The following ABCA3 variants were observed in gnomAD, a reference collection of about 807,000 sequenced individuals.
ABCA3 encodes the protein phospholipid-transporting ATPase ABCA3.
A neutral mutation model predicts 172.8 loss-of-function variants in ABCA3; 88 were observed. The observed-to-expected ratio is 0.51, with a 90% CI of 0.43 to 0.61. The LOEUF is 0.61. Among genes scored for constraint, ABCA3 ranks in the 20% least tolerant of loss-of-function variants. ABCA3 has a pLI of 0.00. For synonymous variants in ABCA3, 1,066 were observed against 983.8 expected, an observed-to-expected ratio of 1.08 and a Z score of -1.56; for missense variants, 2,164 against 2,301.0, an observed-to-expected ratio of 0.94 and a Z score of 1.22.
At chr16:2,336,587 C>T (rs549346213) in intron 1 of ABCA3, among the ~76,000 whole-genome samples, 75 of 148,774 alleles carry the variant, frequency 5.0e-4, no homozygotes, top group African/African-American at 1.5e-3. Flanking sequence ...CCCGCCACCA[C>T]GCCCAGCTAA....
At chr16:2,300,205 A>T (rs1269208284) in intron 12 of ABCA3, 57 bp from the exon 13 acceptor site, 1 of 1,608,402 alleles carries the variant, frequency 6.2e-7, no homozygotes, top group Non-Finnish European at 8.5e-7. Context: ...CAAAGCAACA[A>T]CCAGCAGACA....
chr16:2,292,920 A>G (rs2093674273), intron 18 of ABCA3, among the ~76,000 whole-genome samples: 1 of 152,050 alleles, frequency 6.6e-6, no homozygotes, highest in African/African-American at 2.4e-5. Flanking sequence ...GCACCACTGG[A>G]CTCCAGCCCG....
chr16:2,306,982 T>A (rs1187712009), intron 11 of ABCA3, among the ~76,000 whole-genome samples: 1 of 120,710 alleles, frequency 8.3e-6, no homozygotes, highest in African/African-American at 3.4e-5. Context: ...GCCACTGCCC[T>A]CCAGCCTGGG....
chr16:2,293,631 G>T (rs528202206), intron 18 of ABCA3, among the ~76,000 whole-genome samples: 1 of 150,796 alleles, frequency 6.6e-6, no homozygotes, highest in Non-Finnish European at 1.5e-5. Context: ...TCTGCCTCCC[G>T]GCTTCATGCC....
chr16:2,305,392 G>T (rs1202163195), intron 11 of ABCA3, among the ~76,000 whole-genome samples: 1 of 152,202 alleles, frequency 6.6e-6, no homozygotes, highest in Non-Finnish European at 1.5e-5. Context: ...CACCTCCCAG[G>T]TTCAAGCGGT....
At position 2,304,831 on chromosome 16, in the gene ABCA3, G is replaced by A. The variant is rs575757127; in HGVS notation, c.1286-681C>T. 3.0e-4 allele frequency among the ~76,000 whole-genome samples: 46 copies of A among 151,788 alleles called. 1 individual carries two copies. In the South Asian group the frequency reaches 6.7e-3, roughly 22 times the overall value. The stretch of plus-strand genomic sequence containing the variant: ...GCTGGGACTACAGGCGCCCGCCACC[G>A]TGCCTGGCTAATTTTTTGTATTTTT... On this transcript the variant is annotated intron_variant, in intron 11 of 32. Transcript: ENST00000301732.
intron 12 of ABCA3, among the ~76,000 whole-genome samples, 189 bp downstream of exon 12, chr16:2,303,780 T>C (rs146527113): frequency 6.6e-6 from 1 of 152,046 alleles, no homozygotes; most frequent in Non-Finnish European, 1.5e-5. Flanking sequence ...ATGGAGGGTC[T>C]TTCTCTCTCT....
intron 10 of ABCA3, among the ~76,000 whole-genome samples, chr16:2,315,511 A>C (rs1402534999): frequency 6.6e-6 from 1 of 152,174 alleles, no homozygotes; most frequent in Admixed American, 6.5e-5. Flanking sequence ...AGTCGAAAGC[A>C]CTGACCACTT....
intron 1 of ABCA3, chr16:2,332,247 C>G: frequency 4.9e-6 from 2 of 407,324 alleles, no homozygotes; most frequent in Non-Finnish European, 9.0e-6. Flanking sequence ...TTTTTTTTTC[C>G]TTGAAACTTT....
chr16:2,300,531 G>A (rs1418715364), intron 12 of ABCA3, among the ~76,000 whole-genome samples: 1 of 152,192 alleles, frequency 6.6e-6, no homozygotes, highest in Non-Finnish European at 1.5e-5. Context: ...CCACCCGGCT[G>A]TTTCTTTGCT....
chr16:2,276,122 G>A lies in ABCA3; in HGVS notation c.*552C>T, dbSNP rs2093645920. The stretch of plus-strand genomic sequence containing the variant: ...TGACTACCATGCCCTAAGGAGCAGA[G>A]CCTCCAGGATGCCCCCGGGCTGCGC... On this transcript the variant is annotated 3_prime_UTR_variant, in exon 33 of 33. Coordinates refer to ENST00000301732, the MANE Select transcript of ABCA3 (RefSeq NM_001089.3). 1.2e-5 allele frequency: 4 copies of A among 337,632 alleles called. No individual in the cohort carries two copies. The highest frequency in any genetic ancestry group is 4.4e-5 in the African/African-American group (2 of 45,952). The allele number at this position is 337,632 out of a possible 1,614,324, so 20.9% of individuals were successfully genotyped here.
Position 2,285,655 on chromosome 16 carries a change from G to A in ABCA3, c.3279-9C>T, listed in dbSNP as rs2093661925. ...CGAATCCCTTCCGGCCCCTGCGGGG[G>A]ACAGAGAAGGTCAGGGACGGAGCAC... On this transcript the variant is annotated splice_polypyrimidine_tract_variant and intron_variant, in intron 22 of 32. Coordinates refer to ENST00000301732, the MANE Select transcript of ABCA3 (RefSeq NM_001089.3). This position sits in a 1 kb window ranked among gnomAD's most constrained non-coding sequence, Gnocchi z 4.7. The A allele has an allele frequency of 7.1e-6, 11 of 1,551,466 alleles. No homozygotes were observed. Among genetic ancestry groups the A allele is most frequent in the Non-Finnish European group, 8.7e-6 (10 of 1,147,098 alleles).
chr16:2,315,052 AT>A (rs35278238), intron 10 of ABCA3, among the ~76,000 whole-genome samples: 20,649 of 140,014 alleles, frequency 0.15, 1,860 homozygotes, highest in East Asian at 0.4. Flanking sequence ...TAATTTTTGT[AT>A]TTTTTTTTTT....
Position 2,276,761 on chromosome 16 carries a change from G to A in ABCA3, c.5028C>T (p.Asp1676=), listed in dbSNP as rs1051399548. Residue 1676 remains aspartate, a synonymous_variant, in exon 33 of 33, where the codon GAC becomes GAT. Coordinates refer to ENST00000301732, the MANE Select transcript of ABCA3 (RefSeq NM_001089.3). ...GCGAGATCTGGCTCACGGAGTAGTCGTCCACGCCGTACTTTTCCTTGGCTT... is the reference window on the plus strand; with the variant it reads ...GCGAGATCTGGCTCACGGAGTAGTCATCCACGCCGTACTTTTCCTTGGCTT... ...LEKAKEKYGV[D]DYSVSQISLE... The A allele has an allele frequency of 6.8e-6, 11 of 1,613,836 alleles. No homozygotes were observed. Among genetic ancestry groups the A allele is most frequent in the South Asian group, 1.1e-5 (1 of 91,094 alleles).
chr16:2,307,016 C>CAAAAAAAAAAAAAAAA (rs201661615), intron 11 of ABCA3, among the ~76,000 whole-genome samples: 9 of 65,992 alleles, frequency 1.4e-4, no homozygotes, highest in South Asian at 4.9e-4. Context: ...GACTCCGTCT[C>CAAAAAAAAAAAAAAAA]AAAAAAAAAA....
At position 2,287,807 on chromosome 16, in the gene ABCA3, G is replaced by C. The variant is rs2093665356; in HGVS notation, c.3004+219C>G. Among the ~76,000 whole-genome samples, 3 of 152,290 alleles carry C rather than the reference G, an allele frequency of 2.0e-5. No individual in the cohort carries two copies. In the South Asian group the frequency reaches 6.2e-4, roughly 32 times the overall value. ...GGCACTTCCCCTGACTCAGTGCCGT[G>C]ATCTGCCACCCAGGGGACATCCGCA... is the stretch of plus-strand genomic sequence containing the variant. On this transcript the variant is annotated intron_variant, in intron 21 of 32. Coordinates refer to ENST00000301732, the MANE Select transcript of ABCA3 (RefSeq NM_001089.3). The surrounding 1 kb of genome is among the most constrained non-coding windows in gnomAD (Gnocchi z 4.1).
chr16:2,328,345 C>T, intron 3 of ABCA3, 108 bp downstream of exon 3: 2 of 341,160 alleles, frequency 5.9e-6, no homozygotes, highest in Non-Finnish European at 1.2e-5. Context: ...GCCTGGGCAA[C>T]ATAGCAAGAC....
rs2141697651 is a variant in ABCA3, at chr16:2,287,919, C to T, written c.3004+107G>A. On this transcript the variant is annotated intron_variant, in intron 21 of 32. Coordinates refer to ENST00000301732, the MANE Select transcript of ABCA3 (RefSeq NM_001089.3). This position sits in a 1 kb window ranked among gnomAD's most constrained non-coding sequence, Gnocchi z 4.1. ...CCTCCCTCAGTACATTCGGAACAGC[C>T]AAGAACCATCCTCCCCAGATGTCGA... The T allele has an allele frequency of 4.2e-6, 6 of 1,424,946 alleles. No individual in the cohort carries two copies. Among genetic ancestry groups the T allele is most frequent in the Admixed American group, 1.8e-5 (1 of 55,388 alleles). 88.3% of individuals were successfully genotyped at this position (1,424,946 alleles called of 1,614,324 possible).
chr16:2,336,141 C>T (rs777200129), intron 1 of ABCA3, among the ~76,000 whole-genome samples: 1 of 152,146 alleles, frequency 6.6e-6, no homozygotes, highest in Non-Finnish European at 1.5e-5. Flanking sequence ...TGAAAACAGA[C>T]GTTTGAAGAG....
Sources: gnomAD v4.1 joint callset for allele counts (sites outside exome capture counted in the v4.1 genomes callset) on GRCh38, gnomAD v4.1.1 for gene constraint, Gnocchi (gnomAD v3.1) non-coding constraint, MANE v1.5 for transcripts, NCBI Gene and HGNC (gene_info 2026-07-23, HGNC 2026-07-21) for gene names.